CPED1: variants seen among roughly 807,000 people sequenced by gnomAD.
The protein encoded by CPED1 is cadherin like and PC-esterase domain containing 1.
Under a neutral mutation model 128.2 loss-of-function variants are expected in CPED1, and 114 were observed. The observed-to-expected ratio is 0.89, with a 90% CI of 0.76 to 1.04. The LOEUF is 1.04. Among genes scored for constraint, CPED1 ranks in the 50% least tolerant of loss-of-function variants. The pLI, the probability that CPED1 is intolerant of heterozygous loss-of-function variation, is 0.00. For missense variants in CPED1, 1,211 were observed against 1,207.1 expected, an observed-to-expected ratio of 1.00 and a Z score of -0.05; for synonymous variants, 462 against 426.7, an observed-to-expected ratio of 1.08 and a Z score of -1.02.
intron 16 of CPED1, among the ~76,000 whole-genome samples, chr7:121,230,771 C>T (rs1050135155): frequency 2.6e-5 from 4 of 152,156 alleles, no homozygotes; most frequent in South Asian, 2.1e-4. Context: ...TTTATACTTA[C>T]ATTTCACTGA....
At chr7:121,241,610 C>G (rs1798398904) in intron 17 of CPED1, among the ~76,000 whole-genome samples, 1 of 152,064 alleles carries the variant, frequency 6.6e-6, no homozygotes, top group African/African-American at 2.4e-5. Flanking sequence ...TCAGGCCCAT[C>G]TCTTCACTGT....
At chr7:121,124,265 A>C in intron 7 of CPED1, 66 bp from the exon 8 acceptor site, 1 of 1,431,046 alleles carries the variant, frequency 7.0e-7, no homozygotes, top group Non-Finnish European at 9.4e-7. Flanking sequence ...CAAATTGGTC[A>C]CCTTGAAAAT....
intron 4 of CPED1, among the ~76,000 whole-genome samples, chr7:121,063,932 AT>A (rs1301345721): frequency 1.3e-5 from 2 of 152,218 alleles, no homozygotes; most frequent in Admixed American, 6.5e-5. Flanking sequence ...ATGTTACTAT[AT>A]TTGTCTCAAG....
At chr7:121,048,109 A>G (rs946891392) in intron 4 of CPED1, among the ~76,000 whole-genome samples, 2 of 152,034 alleles carry the variant, frequency 1.3e-5, no homozygotes, top group African/African-American at 4.8e-5. Flanking sequence ...CCATTCTTTG[A>G]ATCCCTGTGT....
At chr7:121,074,519 T>TTTTTG (rs1464022627) in intron 5 of CPED1, among the ~76,000 whole-genome samples, 1 of 137,268 alleles carries the variant, frequency 7.3e-6, no homozygotes, top group African/African-American at 3.0e-5. Context: ...GTTTTTTTTT[T>TTTTTG]TTTTTTTTGA....
intron 16 of CPED1, among the ~76,000 whole-genome samples, chr7:121,173,837 A>G (rs902806327): frequency 1.3e-5 from 2 of 152,078 alleles, no homozygotes; most frequent in Non-Finnish European, 2.9e-5. Context: ...GAATTGATAT[A>G]CACCCCCACC....
At position 120,991,874 on chromosome 7, in the gene CPED1, G is replaced by A. The variant is rs143840577; in HGVS notation, c.249+2004G>A. 7.6e-4 allele frequency among the ~76,000 whole-genome samples: 116 copies of A among 152,284 alleles called. No individual in the cohort carries two copies. In the East Asian group the frequency reaches 0.012, roughly 15 times the overall value. ...ATAGTTCAGGAGCCCAGTGGATATG[G>A]AAAGTAGATTTCCAAACATTAGCCA... On this transcript the variant is annotated intron_variant, in intron 2 of 22. Coordinates refer to ENST00000310396, the MANE Select transcript of CPED1 (RefSeq NM_024913.5).
intron 18 of CPED1, among the ~76,000 whole-genome samples, chr7:121,246,219 T>G (rs1324849763): frequency 6.6e-6 from 1 of 152,224 alleles, no homozygotes; most frequent in African/African-American, 2.4e-5. Context: ...CACTAAATCC[T>G]ACGGTTTTGG....
chr7:121,188,380 G>T (rs1279034043), intron 16 of CPED1, among the ~76,000 whole-genome samples: 1 of 152,076 alleles, frequency 6.6e-6, no homozygotes, highest in African/African-American at 2.4e-5. Context: ...AGAGAATGGG[G>T]TATCTGTCCC....
intron 17 of CPED1, among the ~76,000 whole-genome samples, chr7:121,240,264 G>A (rs559677163): frequency 6.6e-6 from 1 of 152,290 alleles, no homozygotes; most frequent in African/African-American, 2.4e-5. Context: ...TTGGCAGCAA[G>A]TGGCCAAAGT....
At chr7:121,131,990 G>A (rs1278472664) in intron 12 of CPED1, among the ~76,000 whole-genome samples, 4 of 149,426 alleles carry the variant, frequency 2.7e-5, no homozygotes, top group Admixed American at 2.0e-4. Flanking sequence ...GGAAAAGCAC[G>A]ACAAGTTTGA....
chr7:120,990,787 G>A (rs1054018220), intron 2 of CPED1, among the ~76,000 whole-genome samples: 6 of 152,102 alleles, frequency 3.9e-5, no homozygotes, highest in African/African-American at 7.2e-5. Context: ...TTATGATGCC[G>A]GTTACCGTTT....
intron 15 of CPED1, among the ~76,000 whole-genome samples, 167 bp from the exon 16 acceptor site, chr7:121,141,806 A>C (rs906346458): frequency 1.3e-5 from 2 of 152,238 alleles, no homozygotes; most frequent in Admixed American, 6.6e-5. Context: ...AGTACTGTGA[A>C]AGAGATATTT....
At chr7:121,229,451 A>C (rs1010935857) in intron 16 of CPED1, among the ~76,000 whole-genome samples, 8 of 152,022 alleles carry the variant, frequency 5.3e-5, no homozygotes, top group Admixed American at 1.3e-4. Flanking sequence ...TCTTGCCAAA[A>C]GGAGAAAAAA....
At chr7:121,134,251 A>G (rs1795738021) in intron 13 of CPED1, among the ~76,000 whole-genome samples, 1 of 152,132 alleles carries the variant, frequency 6.6e-6, no homozygotes, top group Non-Finnish European at 1.5e-5. Flanking sequence ...TTCAGCCACA[A>G]AAGAGAAAGA....
intron 22 of CPED1, among the ~76,000 whole-genome samples, chr7:121,275,708 T>A (rs1325688082): frequency 1.3e-5 from 2 of 152,150 alleles, no homozygotes; most frequent in African/African-American, 2.4e-5. Context: ...TTTCCTTTGA[T>A]TCTGGTACTA....
At position 121,142,248 on chromosome 7, in the gene CPED1, C is replaced by T. The variant is rs1331020429; in HGVS notation, c.2055+107C>T. The stretch of plus-strand genomic sequence containing the variant: ...TACAAGAAATTGTATGCCTTGAAAT[C>T]GAAACTGTGGTCTCATTTCAAAAAA... On this transcript the variant is annotated intron_variant, in intron 16 of 22. Transcript: ENST00000310396. The T allele has an allele frequency of 2.4e-5, 24 of 1,015,156 alleles. 1 individual carries two copies. The South Asian group carries it at 3.1e-4, about 13-fold the overall frequency. The allele number at this position is 1,015,156 out of a possible 1,614,324, so 62.9% of individuals were successfully genotyped here. A position where few individuals can be genotyped will look rare whatever the true frequency, so the allele number is the denominator to read the frequency against.
intron 18 of CPED1, among the ~76,000 whole-genome samples, chr7:121,254,055 T>C (rs773004811): frequency 6.6e-6 from 1 of 151,984 alleles, no homozygotes; most frequent in African/African-American, 2.4e-5. Context: ...ACTTGACCAA[T>C]TGGACCTAAT....
chr7:121,012,542 T>C (rs1792184949), intron 2 of CPED1, among the ~76,000 whole-genome samples: 2 of 152,256 alleles, frequency 1.3e-5, no homozygotes, highest in Admixed American at 1.3e-4. Flanking sequence ...TATTAGCATT[T>C]GATGATCTCG....
Sources: gnomAD v4.1 joint callset for allele counts (sites outside exome capture counted in the v4.1 genomes callset) on GRCh38, gnomAD v4.1.1 for gene constraint, MANE v1.5 for transcripts, NCBI Gene and HGNC (gene_info 2026-07-23, HGNC 2026-07-21) for gene names.